Variants in CCDC71L observed in about 807,000 individuals in gnomAD.
CCDC71L encodes coiled-coil domain containing 71 like, also known as coiled-coil domain-containing protein 71L.
A neutral mutation model predicts 10.2 loss-of-function variants in CCDC71L; 6 were observed. The observed-to-expected ratio is 0.59, with a 90% confidence interval of 0.32 to 1.16. The LOEUF is 1.16. Among genes scored for constraint, CCDC71L ranks in the 50% most tolerant of loss-of-function variants. The pLI is 0.05. For missense variants in CCDC71L, 366 were observed against 383.4 expected, an observed-to-expected ratio of 0.95 and a Z score of 0.38; for synonymous variants, 204 against 175.5, an observed-to-expected ratio of 1.16 and a Z score of -1.28.
At position 106,660,515 on chromosome 7, in the gene CCDC71L, C is replaced by A; in HGVS notation, c.382G>T (p.Ala128Ser). 2.2e-6 allele frequency: 3 copies of A among 1,366,608 alleles called. No individual in the cohort carries two copies. The highest frequency in any genetic ancestry group is 3.2e-5 in the Admixed American group (1 of 31,170). 84.7% of individuals were successfully genotyped at this position (1,366,608 alleles called of 1,614,324 possible). Residue 128 changes from alanine (A) to serine (S), a missense_variant, in exon 1 of 1, where the codon GCA becomes TCA. Coordinates refer to ENST00000523505, the MANE Select transcript of CCDC71L (RefSeq NM_175884.6). The surrounding 1 kb of genome is among the most constrained non-coding windows in gnomAD (Gnocchi z 7.5). Reference sequence around the variant, plus strand: ...CCGCGGCGCCTCCTCCTGGCCGCTGCGCGCGGAACCGGCCGGCGCGCCTGG... The same window carrying A: ...CCGCGGCGCCTCCTCCTGGCCGCTGAGCGCGGAACCGGCCGGCGCGCCTGG... The part of the protein sequence containing the change: ...RGQARRPVPR[A>S]AARRRRRGAR...
rs1792469543 is a variant in CCDC71L, at chr7:106,655,092, G to C, written c.*5097C>G. 1.3e-5 allele frequency among the ~76,000 whole-genome samples: 2 copies of C among 152,050 alleles called. No homozygotes were observed. Among genetic ancestry groups the C allele is most frequent in the Admixed American group, 1.3e-4 (2 of 15,260 alleles). Reference sequence around the variant, plus strand: ...TTTATGATTATTACTTTCCAATTGGGCTTTAGATATGTTTATTATGTTATA... The same window carrying C: ...TTTATGATTATTACTTTCCAATTGGCCTTTAGATATGTTTATTATGTTATA... On this transcript the variant is annotated 3_prime_UTR_variant, in exon 1 of 1. Transcript: ENST00000523505.
In CCDC71L at chr7:106,655,728, C is replaced by T. The variant is rs980601890; in HGVS notation, c.*4461G>A. Among the ~76,000 whole-genome samples, 1 of 151,948 alleles carries T rather than the reference C, an allele frequency of 6.6e-6. No homozygotes were observed. The highest frequency in any genetic ancestry group is 1.5e-5 in the Non-Finnish European group (1 of 67,994). On this transcript the variant is annotated 3_prime_UTR_variant, in exon 1 of 1. Coordinates refer to ENST00000523505, the MANE Select transcript of CCDC71L (RefSeq NM_175884.6). Reference sequence around the variant, plus strand: ...GAAGATGTGAATCTTTAAAAAAACTCCAACAACAAAAATTGTAATAAATCA... The same window carrying T: ...GAAGATGTGAATCTTTAAAAAAACTTCAACAACAAAAATTGTAATAAATCA...
chr7:106,660,495 G>C lies in CCDC71L; in HGVS notation c.402C>G (p.Arg134=), dbSNP rs1792574029. 8.1e-7 allele frequency: 1 copy of C among 1,234,570 alleles called. No homozygotes were observed. Among genetic ancestry groups the C allele is most frequent in the African/African-American group, 1.6e-5 (1 of 63,676 alleles). The allele number at this position is 1,234,570 out of a possible 1,614,324, so 76.5% of individuals were successfully genotyped here. A position where few individuals can be genotyped will look rare whatever the true frequency, so the allele number is the denominator to read the frequency against. ...PVPRAAARRR[R]RGARAAAARR... ...GGGCAGCGGCCGCCCGGGCTCCGCGGCGCCTCCTCCTGGCCGCTGCGCGCG... is the reference window on the plus strand; with the variant it reads ...GGGCAGCGGCCGCCCGGGCTCCGCGCCGCCTCCTCCTGGCCGCTGCGCGCG... Residue 134 remains arginine, a synonymous_variant, in exon 1 of 1, where the codon CGC becomes CGG. Transcript: ENST00000523505. This position sits in a 1 kb window ranked among gnomAD's most constrained non-coding sequence, Gnocchi z 7.5.
In CCDC71L at chr7:106,654,837, A is replaced by G. The variant is rs1359108183; in HGVS notation, c.*5352T>C. 3.3e-5 allele frequency among the ~76,000 whole-genome samples: 5 copies of G among 152,062 alleles called. No individual in the cohort carries two copies. The highest frequency in any genetic ancestry group is 7.4e-5 in the Non-Finnish European group (5 of 67,986). ...TTCAATAATTTTTTTACTCTGTAAG[A>G]TTTAGAACCCTAAGCCACACTCTTT... On this transcript the variant is annotated 3_prime_UTR_variant, in exon 1 of 1. Coordinates refer to ENST00000523505, the MANE Select transcript of CCDC71L (RefSeq NM_175884.6).
rs1293343941 is a variant in CCDC71L, at chr7:106,658,643, T to C, written c.*1546A>G. 6.6e-6 allele frequency: 1 copy of C among 152,636 alleles called. No homozygotes were observed. Among genetic ancestry groups the C allele is most frequent in the Non-Finnish European group, 1.5e-5 (1 of 68,036 alleles). 9.5% of individuals were successfully genotyped at this position (152,636 alleles called of 1,614,324 possible). ...TGAAATAATAGTGGTACAAAAACACTACTTGACCCTTTAGGTATTGCAGTA... is the reference window on the plus strand; with the variant it reads ...TGAAATAATAGTGGTACAAAAACACCACTTGACCCTTTAGGTATTGCAGTA... On this transcript the variant is annotated 3_prime_UTR_variant, in exon 1 of 1. Coordinates refer to ENST00000523505, the MANE Select transcript of CCDC71L (RefSeq NM_175884.6).
Position 106,660,090 on chromosome 7 carries a change from G to A in CCDC71L, c.*99C>T. 1 of 1,365,654 alleles carries A rather than the reference G, an allele frequency of 7.3e-7. No homozygotes were observed. The highest frequency in any genetic ancestry group is 9.5e-7 in the Non-Finnish European group (1 of 1,057,030). The allele number at this position is 1,365,654 out of a possible 1,614,324, so 84.6% of individuals were successfully genotyped here. On this transcript the variant is annotated 3_prime_UTR_variant, in exon 1 of 1. Coordinates refer to ENST00000523505, the MANE Select transcript of CCDC71L (RefSeq NM_175884.6). The surrounding 1 kb of genome is among the most constrained non-coding windows in gnomAD (Gnocchi z 7.5). ...AAGTGCATTGGGGGCCGGGGTCCTGGCCGGATCTGTAAACACTCGACTGAC... is the reference window on the plus strand; with the variant it reads ...AAGTGCATTGGGGGCCGGGGTCCTGACCGGATCTGTAAACACTCGACTGAC...
rs1377682889 is a variant in CCDC71L, at chr7:106,659,603, T to TA, written c.*585dup. 9.8e-5 allele frequency: 15 copies of TA among 152,588 alleles called. No individual in the cohort carries two copies. Among genetic ancestry groups the TA allele is most frequent in the Admixed American group, 9.2e-4 (14 of 15,272 alleles). 9.5% of individuals were successfully genotyped at this position (152,588 alleles called of 1,614,324 possible). On this transcript the variant is annotated 3_prime_UTR_variant, in exon 1 of 1. Coordinates refer to ENST00000523505, the MANE Select transcript of CCDC71L (RefSeq NM_175884.6). ...CTAACAGTCACAAGCTTGAACCTCT[T>TA]AAAAAATATCCTCGATCAAAGCTTT...
At position 106,660,977 on chromosome 7, in the gene CCDC71L, G is replaced by A; in HGVS notation, c.-81C>T. The A allele has an allele frequency of 2.3e-6, 3 of 1,295,318 alleles. No homozygotes were observed. The highest frequency in any genetic ancestry group is 2.9e-6 in the Non-Finnish European group (3 of 1,024,080). The allele number at this position is 1,295,318 out of a possible 1,614,324, so 80.2% of individuals were successfully genotyped here. ...CCCAGTCCGCGTTGGCTCCGCGGCG[G>A]CGGCTGCTGCTGGCGTCTCTCGCTA... is the stretch of plus-strand genomic sequence containing the variant. On this transcript the variant is annotated 5_prime_UTR_variant, in exon 1 of 1. Transcript: ENST00000523505. The surrounding 1 kb of genome is among the most constrained non-coding windows in gnomAD (Gnocchi z 7.5).
chr7:106,657,337 TCAC>T lies in CCDC71L; in HGVS notation c.*2849_*2851del, dbSNP rs1276480435. On this transcript the variant is annotated 3_prime_UTR_variant, in exon 1 of 1. Coordinates refer to ENST00000523505, the MANE Select transcript of CCDC71L (RefSeq NM_175884.6). ...CTCAAAAAGTTATGTGAGGTGCCGG[TCAC>T]CACATTTAGGCACTCAGGAATTAAA... 6.6e-6 allele frequency: 1 copy of T among 152,136 alleles called. No homozygotes were observed. The highest frequency in any genetic ancestry group is 1.5e-5 in the Non-Finnish European group (1 of 68,010). The allele number at this position is 152,136 out of a possible 1,614,324, so 9.4% of individuals were successfully genotyped here.
chr7:106,660,665 A>AGAGCTT lies in CCDC71L; in HGVS notation c.231_232insAAGCTC (p.Leu77_Trp78insLysLeu). 6.3e-7 allele frequency: 1 copy of AGAGCTT among 1,588,042 alleles called. No individual in the cohort carries two copies. Among genetic ancestry groups the AGAGCTT allele is most frequent in the Non-Finnish European group, 8.6e-7 (1 of 1,167,354 alleles). ...TGCTTGAGGCTGCAGAGGAAGCTCC[A>AGAGCTT]GAGCTCCGCGTCCGAGCTCATGAAC... On this transcript the variant is annotated inframe_insertion, in exon 1 of 1. Coordinates refer to ENST00000523505, the MANE Select transcript of CCDC71L (RefSeq NM_175884.6). The surrounding 1 kb of genome is among the most constrained non-coding windows in gnomAD (Gnocchi z 7.5).
Position 106,660,888 on chromosome 7 carries a change from G to T in CCDC71L, c.9C>A (p.Arg3=). Residue 3 remains arginine, a synonymous_variant, in exon 1 of 1, where the codon CGC becomes CGA. Transcript: ENST00000523505. This position sits in a 1 kb window ranked among gnomAD's most constrained non-coding sequence, Gnocchi z 7.5. Reference sequence around the variant, plus strand: ...GCCGGCGCCGCCGCCTCTTCATACTGCGCCGCATCGAAGGCCGCTCCGGGC... The same window carrying T: ...GCCGGCGCCGCCGCCTCTTCATACTTCGCCGCATCGAAGGCCGCTCCGGGC... MR[R]SMKRRRRRRP... is the part of the protein sequence containing the mutation. 7.1e-7 allele frequency: 1 copy of T among 1,411,750 alleles called. No individual in the cohort carries two copies. The allele number at this position is 1,411,750 out of a possible 1,614,324, so 87.5% of individuals were successfully genotyped here. A position where few individuals can be genotyped will look rare whatever the true frequency, so the allele number is the denominator to read the frequency against.
At position 106,660,859 on chromosome 7, in the gene CCDC71L, G is replaced by GGGCGCC. The variant is rs1792584797; in HGVS notation, c.32_37dup (p.Arg11_Arg12dup). 1.4e-6 allele frequency: 2 copies of GGGCGCC among 1,472,124 alleles called. No homozygotes were observed. The highest frequency in any genetic ancestry group is 1.8e-6 in the Non-Finnish European group (2 of 1,118,240). 91.2% of individuals were successfully genotyped at this position (1,472,124 alleles called of 1,614,324 possible). On this transcript the variant is annotated inframe_insertion, in exon 1 of 1. Transcript: ENST00000523505. The surrounding 1 kb of genome is among the most constrained non-coding windows in gnomAD (Gnocchi z 7.5). ...CCGGGCGGCCGTGGCCGGGGCGACC[G>GGGCGCC]GGCGCCGGCGCCGCCGCCTCTTCAT...
At position 106,660,509 on chromosome 7, in the gene CCDC71L, C is replaced by T; in HGVS notation, c.388G>A (p.Ala130Thr). The stretch of plus-strand genomic sequence containing the variant: ...CGGGCTCCGCGGCGCCTCCTCCTGG[C>T]CGCTGCGCGCGGAACCGGCCGGCGC... ...QARRPVPRAA[A>T]RRRRRGARAA... The change falls in exon 1 of 1, where the codon GCC (alanine) becomes ACC (threonine). Residue 130 changes from alanine to threonine, a missense_variant. Ala to Thr is a moderately conservative substitution (Grantham distance 58). Coordinates refer to ENST00000523505, the MANE Select transcript of CCDC71L (RefSeq NM_175884.6). This position sits in a 1 kb window ranked among gnomAD's most constrained non-coding sequence, Gnocchi z 7.5. 7.4e-7 allele frequency: 1 copy of T among 1,351,756 alleles called. No homozygotes were observed. The allele number at this position is 1,351,756 out of a possible 1,614,324, so 83.7% of individuals were successfully genotyped here. A position where few individuals can be genotyped will look rare whatever the true frequency, so the allele number is the denominator to read the frequency against.
Position 106,660,654 on chromosome 7 carries a change from G to A in CCDC71L, c.243C>T (p.Leu81=). The change falls in exon 1 of 1, where the codon CTC becomes CTT. Residue 81 remains leucine, a synonymous_variant. Coordinates refer to ENST00000523505, the MANE Select transcript of CCDC71L (RefSeq NM_175884.6). This position sits in a 1 kb window ranked among gnomAD's most constrained non-coding sequence, Gnocchi z 7.5. ...GGGAGAACTGGTGCTTGAGGCTGCA[G>A]AGGAAGCTCCAGAGCTCCGCGTCCG... ...MSSDAELWSF[L]CSLKHQFSPH... is the part of the protein sequence containing the mutation. 1 of 1,589,286 alleles carries A rather than the reference G, an allele frequency of 6.3e-7. No individual in the cohort carries two copies. The highest frequency in any genetic ancestry group is 8.6e-7 in the Non-Finnish European group (1 of 1,168,094).
rs921441361 is a variant in CCDC71L, at chr7:106,659,045, T to C, written c.*1144A>G. On this transcript the variant is annotated 3_prime_UTR_variant, in exon 1 of 1. Transcript: ENST00000523505. ...GCCCAAAGTAACCTTAACCAGTTAT[T>C]TGATACCAAGAAATGCCTCCACCCC... 3.3e-5 allele frequency: 5 copies of C among 152,208 alleles called. No individual in the cohort carries two copies. Among genetic ancestry groups the C allele is most frequent in the Non-Finnish European group, 7.3e-5 (5 of 68,032 alleles). The allele number at this position is 152,208 out of a possible 1,614,324, so 9.4% of individuals were successfully genotyped here. A position where few individuals can be genotyped will look rare whatever the true frequency, so the allele number is the denominator to read the frequency against.
Position 106,660,473 on chromosome 7 carries a change from C to G in CCDC71L, c.424G>C (p.Ala142Pro). The G allele has an allele frequency of 8.2e-7, 1 of 1,224,412 alleles. No homozygotes were observed. Among genetic ancestry groups the G allele is most frequent in the Non-Finnish European group, 1.0e-6 (1 of 984,716 alleles). The allele number at this position is 1,224,412 out of a possible 1,614,324, so 75.8% of individuals were successfully genotyped here. The change falls in exon 1 of 1, where the codon GCC becomes CCC. Residue 142 changes from alanine (A) to proline (P), a missense_variant. By Grantham distance (27) the Ala-to-Pro change is conservative. Transcript: ENST00000523505. This position sits in a 1 kb window ranked among gnomAD's most constrained non-coding sequence, Gnocchi z 7.5. ...GGCGGCCGGGGCTTCCTCCTGCGGG[C>G]AGCGGCCGCCCGGGCTCCGCGGCGC... ...RRRRGARAAA[A>P]RRRKPRPPPP... is the part of the protein sequence containing the mutation.
At position 106,660,030 on chromosome 7, in the gene CCDC71L, A is replaced by C; in HGVS notation, c.*159T>G. ...CAAGACGACCGCGCCGCGGCCCGGG[A>C]CAGGGACAACCATCCGGCAACTTCT... On this transcript the variant is annotated 3_prime_UTR_variant, in exon 1 of 1. Transcript: ENST00000523505. The surrounding 1 kb of genome is among the most constrained non-coding windows in gnomAD (Gnocchi z 7.5). 1 of 1,031,980 alleles carries C rather than the reference A, an allele frequency of 9.7e-7. No homozygotes were observed. Among genetic ancestry groups the C allele is most frequent in the Non-Finnish European group, 1.3e-6 (1 of 763,024 alleles). 63.9% of individuals were successfully genotyped at this position (1,031,980 alleles called of 1,614,324 possible).
Position 106,660,949 on chromosome 7 carries a change from C to T in CCDC71L, c.-53G>A. The T allele has an allele frequency of 7.7e-7, 1 of 1,302,460 alleles. No homozygotes were observed. The highest frequency in any genetic ancestry group is 9.7e-7 in the Non-Finnish European group (1 of 1,026,990). The allele number at this position is 1,302,460 out of a possible 1,614,324, so 80.7% of individuals were successfully genotyped here. Reference sequence around the variant, plus strand: ...CGCCGGGTCCCACTACTGCCGCCGCCGTCCCAGTCCGCGTTGGCTCCGCGG... The same window carrying T: ...CGCCGGGTCCCACTACTGCCGCCGCTGTCCCAGTCCGCGTTGGCTCCGCGG... On this transcript the variant is annotated 5_prime_UTR_variant, in exon 1 of 1. Coordinates refer to ENST00000523505, the MANE Select transcript of CCDC71L (RefSeq NM_175884.6). This position sits in a 1 kb window ranked among gnomAD's most constrained non-coding sequence, Gnocchi z 7.5.
rs750612620 is a variant in CCDC71L at position 106,660,393 on chromosome 7, G to A, written c.504C>T (p.Pro168=). ...AGGTGCGGCCCCCGAAGCAGGGCCCGGGGGCCACGGGCTTGGCCGGGCAGC... is the reference window on the plus strand; with the variant it reads ...AGGTGCGGCCCCCGAAGCAGGGCCCAGGGGCCACGGGCTTGGCCGGGCAGC... ...EESCPAKPVA[P]GPCFGGRTLE... is the part of the protein sequence containing the mutation. Residue 168 remains proline (P), a synonymous_variant, in exon 1 of 1, where the codon CCC becomes CCT. Transcript: ENST00000523505. The surrounding 1 kb of genome is among the most constrained non-coding windows in gnomAD (Gnocchi z 7.5). 50 of 1,328,320 alleles carry A rather than the reference G, an allele frequency of 3.8e-5. No individual in the cohort carries two copies. The highest frequency in any genetic ancestry group is 4.4e-5 in the Non-Finnish European group (46 of 1,042,168). 82.3% of individuals were successfully genotyped at this position (1,328,320 alleles called of 1,614,324 possible).
Sources: allele counts gnomAD v4.1 joint callset (sites outside exome capture counted in the v4.1 genomes callset), GRCh38; gene constraint gnomAD v4.1.1; non-coding constraint Gnocchi (gnomAD v3.1); transcripts MANE v1.5; gene names NCBI Gene and HGNC (gene_info 2026-07-23, HGNC 2026-07-21).